MYO10: variants seen among roughly 807,000 people sequenced by gnomAD.
MYO10 encodes myosin X.
Under a neutral mutation model 257.3 loss-of-function variants are expected in MYO10, and 133 were observed. The ratio of observed to expected loss-of-function variants is 0.52; its 90% confidence interval spans 0.45 to 0.60. The LOEUF (loss-of-function observed/expected upper bound fraction) is 0.60, where lower values mean the gene tolerates loss of function less well. Among genes scored for constraint, MYO10 ranks in the 20% least tolerant of loss-of-function variants. The pLI is 0.00. For missense variants in MYO10, 2,399 were observed against 2,635.7 expected, an observed-to-expected ratio of 0.91 and a Z score of 1.97; for synonymous variants, 1,104 against 1,028.6, an observed-to-expected ratio of 1.07 and a Z score of -1.40.
At chr5:16,861,100 G>T (rs2126745573) in intron 2 of MYO10, among the ~76,000 whole-genome samples, 1 of 152,194 alleles carries the variant, frequency 6.6e-6, no homozygotes, top group Non-Finnish European at 1.5e-5. Context: ...GCAGAGCCAA[G>T]GCCCTTGGTA....
chr5:16,749,060 G>A (rs543904389), intron 19 of MYO10, among the ~76,000 whole-genome samples: 13 of 152,162 alleles, frequency 8.5e-5, no homozygotes, highest in South Asian at 4.2e-4. Context: ...TCCACTCCAC[G>A]TCTCCAGCTT....
At chr5:16,885,193 T>TTC (rs1196459575) in intron 1 of MYO10, among the ~76,000 whole-genome samples, 2 of 98,524 alleles carry the variant, frequency 2.0e-5, no homozygotes, top group East Asian at 1.2e-3. Flanking sequence ...TCCACTCTGC[T>TTC]TTTTTTTTTT....
At chr5:16,720,004 GTGTGTGTGTGTGTGTGTGTA>G (rs1258224805) in intron 19 of MYO10, among the ~76,000 whole-genome samples, 2 of 149,730 alleles carry the variant, frequency 1.3e-5, no homozygotes, top group East Asian at 1.9e-4. Flanking sequence ...GTGTGTGTGT[GTGTGTGTGTGTGTGTGTGTA>G]TATGTATGTA....
chr5:16,852,123 G>GGAAGGA (rs1561018852), intron 2 of MYO10, among the ~76,000 whole-genome samples: 1 of 148,434 alleles, frequency 6.7e-6, no homozygotes, highest in Non-Finnish European at 1.5e-5. Context: ...GGAAGGAAGG[G>GGAAGGA]AGGGAAGGAG....
chr5:16,907,768 C>A (rs902002215), intron 1 of MYO10, among the ~76,000 whole-genome samples: 2 of 152,166 alleles, frequency 1.3e-5, no homozygotes, highest in Non-Finnish European at 2.9e-5. Flanking sequence ...GAAATCTATG[C>A]TTTGGCATTT....
chr5:16,915,912 G>C lies in MYO10; in HGVS notation c.21+19876C>G, dbSNP rs148018250. 3,084 of 392,966 alleles carry C rather than the reference G, an allele frequency of 7.8e-3. 94 individuals carry two copies. Among genetic ancestry groups the C allele is most frequent in the African/African-American group, 0.061 (2,865 of 47,316 alleles). 24.3% of individuals were successfully genotyped at this position (392,966 alleles called of 1,614,324 possible). A position where few individuals can be genotyped will look rare whatever the true frequency, so the allele number is the denominator to read the frequency against. ...GCAGAGGTTGCAGTGAGCTGAAATT[G>C]CGCCACTGCACTCCAGCCTGGGCGA... On this transcript the variant is annotated intron_variant, in intron 1 of 40. Coordinates refer to ENST00000513610, the MANE Select transcript of MYO10 (RefSeq NM_012334.3).
intron 33 of MYO10, among the ~76,000 whole-genome samples, chr5:16,678,658 T>G (rs959585573): frequency 6.6e-6 from 1 of 152,170 alleles, no homozygotes; most frequent in East Asian, 1.9e-4. Context: ...ACATACCACT[T>G]TGGAATCAGG....
At chr5:16,769,620 G>T (rs1326487015) in intron 9 of MYO10, among the ~76,000 whole-genome samples, 1 of 152,180 alleles carries the variant, frequency 6.6e-6, no homozygotes, top group African/African-American at 2.4e-5. Flanking sequence ...GATTACAGGC[G>T]TGAGCCACCG....
intron 19 of MYO10, among the ~76,000 whole-genome samples, chr5:16,722,389 C>T (rs1264055574): frequency 6.6e-6 from 1 of 152,212 alleles, no homozygotes; most frequent in Non-Finnish European, 1.5e-5. Context: ...CTCTCACTTA[C>T]GCTGGTATAT....
rs112902502 is a variant in MYO10 at position 16,864,338 on chromosome 5, C to T, written c.120+13271G>A. On this transcript the variant is annotated intron_variant, in intron 2 of 40. Coordinates refer to ENST00000513610, the MANE Select transcript of MYO10 (RefSeq NM_012334.3). ...ATAAGGGGCCTCTCTGGGCCAGGCT[C>T]GGCTCCGAGGTGCTGATGACAAGTC... 4.1e-3 allele frequency among the ~76,000 whole-genome samples: 622 copies of T among 152,208 alleles called. 5 individuals are homozygous for T. The highest frequency in any genetic ancestry group is 0.014 in the African/African-American group (589 of 41,528).
At chr5:16,693,252 G>C (rs1737585394) in intron 27 of MYO10, among the ~76,000 whole-genome samples, 1 of 152,188 alleles carries the variant, frequency 6.6e-6, no homozygotes, top group Non-Finnish European at 1.5e-5. Flanking sequence ...TGGGCAATGG[G>C]AGTGAGACCC....
intron 27 of MYO10, 57 bp from the exon 28 acceptor site, chr5:16,689,976 G>T: frequency 7.8e-7 from 1 of 1,288,280 alleles, no homozygotes; most frequent in South Asian, 1.2e-5. Flanking sequence ...CTGAATAACT[G>T]AGGAAAGCAA....
chr5:16,774,574 A>G (rs928943703), intron 9 of MYO10, among the ~76,000 whole-genome samples: 1 of 151,516 alleles, frequency 6.6e-6, no homozygotes, highest in Admixed American at 6.6e-5. Flanking sequence ...GGCGCCCACC[A>G]CCACACCCGG....
At chr5:16,762,312 A>G (rs1441875677) in intron 15 of MYO10, among the ~76,000 whole-genome samples, 199 bp from the exon 16 acceptor site, 1 of 152,170 alleles carries the variant, frequency 6.6e-6, no homozygotes, top group Non-Finnish European at 1.5e-5. Context: ...ATTATAATAG[A>G]TTAACAATTT....
intron 33 of MYO10, among the ~76,000 whole-genome samples, chr5:16,678,966 C>T (rs1736858029): frequency 6.6e-6 from 1 of 152,210 alleles, no homozygotes; most frequent in Non-Finnish European, 1.5e-5. Context: ...CCCCCGTCAC[C>T]GTTCCATTTC....
At chr5:16,864,147 T>A (rs866235841) in intron 2 of MYO10, among the ~76,000 whole-genome samples, 31 of 112,496 alleles carry the variant, frequency 2.8e-4, no homozygotes, top group African/African-American at 9.0e-4. Flanking sequence ...GCTATGTGGC[T>A]ATTTTTTTTT....
In MYO10 at chr5:16,713,278, A is replaced by C. The variant is rs143194139; in HGVS notation, c.1930-2033T>G. On this transcript the variant is annotated intron_variant, in intron 19 of 40. Coordinates refer to ENST00000513610, the MANE Select transcript of MYO10 (RefSeq NM_012334.3). ...TCCGAAGCTCGAGTTATTAAAACTAAAGATATTACACCAAAAGGGCCTCCC... is the reference window on the plus strand; with the variant it reads ...TCCGAAGCTCGAGTTATTAAAACTACAGATATTACACCAAAAGGGCCTCCC... 31 of 977,664 alleles carry C rather than the reference A, an allele frequency of 3.2e-5. No homozygotes were observed. The East Asian group carries it at 9.1e-4, about 29-fold the overall frequency. 60.6% of individuals were successfully genotyped at this position (977,664 alleles called of 1,614,324 possible).
intron 33 of MYO10, among the ~76,000 whole-genome samples, chr5:16,677,487 C>G (rs1736789215): frequency 7.0e-6 from 1 of 142,026 alleles, no homozygotes; most frequent in Non-Finnish European, 1.5e-5. Context: ...GCTATCTTGG[C>G]TCAGTGCAAG....
At chr5:16,796,949 CAG>C (rs1650764232) in intron 3 of MYO10, among the ~76,000 whole-genome samples, 2 of 151,476 alleles carry the variant, frequency 1.3e-5, no homozygotes, top group Admixed American at 1.3e-4. Flanking sequence ...AAAAAGACAC[CAG>C]GGATGCATAC....
Sources: gnomAD v4.1 joint callset for allele counts (sites outside exome capture counted in the v4.1 genomes callset) on GRCh38, gnomAD v4.1.1 for gene constraint, MANE v1.5 for transcripts, NCBI Gene and HGNC (gene_info 2026-07-23, HGNC 2026-07-21) for gene names.